GPC5: variants seen among roughly 807,000 people sequenced by gnomAD.
GPC5 encodes the protein glypican-5.
Under a neutral mutation model 53.9 loss-of-function variants are expected in GPC5, and 47 were observed. The observed-to-expected ratio is 0.87, with a 90% confidence interval of 0.69 to 1.11. The LOEUF is 1.11. Among genes scored for constraint, GPC5 ranks in the 50% most tolerant of loss-of-function variants. The pLI, the probability that GPC5 is intolerant of heterozygous loss-of-function variation, is 0.00. For synonymous variants in GPC5, 286 were observed against 263.3 expected (o/e 1.09, Z -0.84); for missense variants, 748 against 713.1 (o/e 1.05, Z -0.56).
intron 7 of GPC5, among the ~76,000 whole-genome samples, chr13:92,477,105 G>T (rs1879180473): frequency 6.6e-6 from 1 of 151,838 alleles, no homozygotes; most frequent in South Asian, 2.1e-4. Context: ...GTTGAAGATA[G>T]TGAATCTGAC....
chr13:92,820,640 T>C (rs554232912), intron 7 of GPC5, among the ~76,000 whole-genome samples: 7 of 152,310 alleles, frequency 4.6e-5, no homozygotes, highest in South Asian at 2.1e-4. Flanking sequence ...AAACTTGATA[T>C]TATTGCTAGG....
intron 7 of GPC5, among the ~76,000 whole-genome samples, chr13:92,371,975 A>G (rs917407196): frequency 6.6e-6 from 1 of 152,232 alleles, no homozygotes; most frequent in Admixed American, 6.5e-5. Context: ...GATGACCTCT[A>G]GAAGTGGAGA....
intron 1 of GPC5, among the ~76,000 whole-genome samples, chr13:91,420,086 T>A (rs1384699092): frequency 3.3e-5 from 5 of 152,188 alleles, no homozygotes; most frequent in Non-Finnish European, 7.4e-5. Flanking sequence ...TTGCATTTCC[T>A]GTGTCTCATG....
At chr13:92,656,911 C>T (rs560334789) in intron 7 of GPC5, among the ~76,000 whole-genome samples, 1 of 152,246 alleles carries the variant, frequency 6.6e-6, no homozygotes, top group African/African-American at 2.4e-5. Flanking sequence ...AGCAACGCTG[C>T]GATGAGCTAT....
At chr13:91,916,104 T>C (rs775636757) in intron 6 of GPC5, among the ~76,000 whole-genome samples, 5 of 152,202 alleles carry the variant, frequency 3.3e-5, no homozygotes, top group South Asian at 2.1e-4. Flanking sequence ...TTACTTAATA[T>C]CTTAAGCGTC....
chr13:92,666,656 A>G (rs1448242565), intron 7 of GPC5, among the ~76,000 whole-genome samples: 2 of 152,206 alleles, frequency 1.3e-5, no homozygotes, highest in Non-Finnish European at 2.9e-5. Flanking sequence ...TCCATTTCCT[A>G]TGCTGCAGAG....
intron 5 of GPC5, among the ~76,000 whole-genome samples, chr13:91,892,427 A>G (rs189385075): frequency 6.6e-6 from 1 of 151,786 alleles, no homozygotes; most frequent in African/African-American, 2.4e-5. Flanking sequence ...ATTAGAAAAA[A>G]TATTCTTTTT....
intron 7 of GPC5, among the ~76,000 whole-genome samples, chr13:92,512,139 C>A (rs1296941858): frequency 6.6e-6 from 1 of 152,104 alleles, no homozygotes; most frequent in Non-Finnish European, 1.5e-5. Context: ...CCAGTCCAAC[C>A]CATTTATCTT....
intron 7 of GPC5, among the ~76,000 whole-genome samples, chr13:92,651,167 T>TTA (rs140734863): frequency 0.089 from 13,517 of 151,518 alleles, 974 homozygotes; most frequent in East Asian, 0.31. Context: ...AAACTCCCCT[T>TTA]TATATATATA....
chr13:91,472,026 A>G (rs1882663126), intron 2 of GPC5, among the ~76,000 whole-genome samples: 2 of 152,062 alleles, frequency 1.3e-5, no homozygotes, highest in Admixed American at 1.3e-4. Flanking sequence ...GTCCTCTATA[A>G]TCTCTATTAT....
chr13:91,670,888 A>G (rs1049237485), intron 2 of GPC5, among the ~76,000 whole-genome samples: 1 of 152,206 alleles, frequency 6.6e-6, no homozygotes, highest in African/African-American at 2.4e-5. Flanking sequence ...TGATAGAATT[A>G]AAAATAAAAA....
chr13:92,150,822 A>G (rs945937057), intron 7 of GPC5, among the ~76,000 whole-genome samples: 3 of 151,882 alleles, frequency 2.0e-5, no homozygotes, highest in African/African-American at 7.2e-5. Flanking sequence ...CAGAGAACAT[A>G]AAATGAGAAG....
At chr13:92,635,030 T>G (rs867818261) in intron 7 of GPC5, among the ~76,000 whole-genome samples, 2 of 151,976 alleles carry the variant, frequency 1.3e-5, no homozygotes, top group African/African-American at 4.8e-5. Context: ...TATTTTAAAA[T>G]ATTTTGACAC....
intron 7 of GPC5, among the ~76,000 whole-genome samples, chr13:92,764,631 G>A (rs765269727): frequency 1.3e-5 from 2 of 152,218 alleles, no homozygotes; most frequent in Non-Finnish European, 2.9e-5. Flanking sequence ...AGATAGAGTG[G>A]TAGAGGTAGA....
chr13:92,791,410 TGTGTGTGA>T (rs1269725717), intron 7 of GPC5, among the ~76,000 whole-genome samples: 1 of 135,060 alleles, frequency 7.4e-6, no homozygotes, highest in Non-Finnish European at 1.5e-5. Flanking sequence ...TGTGAGTGTA[TGTGTGTGA>T]GTGTGTGGGG....
At chr13:92,134,431 G>A (rs1463774253) in intron 6 of GPC5, among the ~76,000 whole-genome samples, 1 of 152,112 alleles carries the variant, frequency 6.6e-6, no homozygotes, top group Non-Finnish European at 1.5e-5. Flanking sequence ...TGTAAAAAGT[G>A]TTAGTTTGTA....
At chr13:91,785,074 T>C (rs1289232266) in intron 5 of GPC5, among the ~76,000 whole-genome samples, 1 of 152,234 alleles carries the variant, frequency 6.6e-6, no homozygotes, top group East Asian at 1.9e-4. Flanking sequence ...ATTCTCTTGG[T>C]TGTGATTCTT....
At chr13:91,560,543 C>G (rs1187747023) in intron 2 of GPC5, among the ~76,000 whole-genome samples, 1 of 152,066 alleles carries the variant, frequency 6.6e-6, no homozygotes, top group Non-Finnish European at 1.5e-5. Context: ...GGGGCAGTTG[C>G]TAATTGGTCA....
intron 7 of GPC5, among the ~76,000 whole-genome samples, chr13:92,632,623 ATT>A (rs1885285684): frequency 3.3e-5 from 5 of 151,972 alleles, no homozygotes; most frequent in Middle Eastern, 3.2e-3. Context: ...TGTAAACTGT[ATT>A]TATATCAGAT....
Sources: allele counts gnomAD v4.1 joint callset (sites outside exome capture counted in the v4.1 genomes callset), GRCh38; gene constraint gnomAD v4.1.1; transcripts MANE v1.5; gene names NCBI Gene and HGNC (gene_info 2026-07-23, HGNC 2026-07-21).